Variants in WWP2 observed in about 807,000 individuals in gnomAD.
The protein encoded by WWP2 is WW domain containing E3 ubiquitin protein ligase 2, also known as NEDD4-like E3 ubiquitin-protein ligase WWP2.
Under a neutral mutation model 121.0 loss-of-function variants are expected in WWP2, and 57 were observed. The observed-to-expected ratio is 0.47, with a 90% CI of 0.38 to 0.59. WWP2 has a LOEUF of 0.59. Among genes scored for constraint, WWP2 ranks in the 20% least tolerant of loss-of-function variants. The probability of loss-of-function intolerance (pLI) is 0.00; values close to 1 mark genes in which losing one functional copy is unlikely to be tolerated. For missense variants in WWP2, 962 were observed against 1,158.9 expected (o/e 0.83, Z 2.47); for synonymous variants, 449 against 441.3 (o/e 1.02, Z -0.22).
rs374069767 is a variant in WWP2, at chr16:69,917,786, C to T, written c.1082C>T (p.Pro361Leu). 1.7e-5 allele frequency: 28 copies of T among 1,613,886 alleles called. No individual in the cohort carries two copies. Among genetic ancestry groups the T allele is most frequent in the Non-Finnish European group, 2.2e-5 (26 of 1,179,840 alleles). The change falls in exon 10 of 24, where the codon CCG becomes CTG. Residue 361 changes from proline (P) to leucine (L), a missense_variant. Pro to Leu is a moderately conservative substitution (Grantham distance 98, BLOSUM62 -3). This residue lies in a region of WWP2 where 606 missense variants were observed against 772.6 expected (regional missense o/e 0.78). Coordinates refer to ENST00000359154, the MANE Select transcript of WWP2 (RefSeq NM_001270454.2). Reference protein sequence around the residue: ...HNTRTTTWQRPTAEYVRNYEQ... With the variant: ...HNTRTTTWQRLTAEYVRNYEQ... ...ACTCGGACCACCACCTGGCAGCGTCCGACCGCGGAGTACGTGCGCAACTAT... is the reference window on the plus strand; with the variant it reads ...ACTCGGACCACCACCTGGCAGCGTCTGACCGCGGAGTACGTGCGCAACTAT...
chr16:69,882,077 C>G (rs2057840660), intron 7 of WWP2, among the ~76,000 whole-genome samples: 1 of 152,060 alleles, frequency 6.6e-6, no homozygotes, highest in Non-Finnish European at 1.5e-5. Flanking sequence ...GCTTTGGCCT[C>G]CGAAAGTACT....
At chr16:69,810,727 G>C (rs1195153503) in intron 4 of WWP2, among the ~76,000 whole-genome samples, 1 of 149,414 alleles carries the variant, frequency 6.7e-6, no homozygotes, top group African/African-American at 2.5e-5. Context: ...ACTGCGCCCA[G>C]CCTTAACATC....
At chr16:69,835,804 ATT>A (rs34492692) in intron 4 of WWP2, among the ~76,000 whole-genome samples, 4 of 142,472 alleles carry the variant, frequency 2.8e-5, no homozygotes, top group Non-Finnish European at 4.6e-5. Context: ...ACCAAAGTAA[ATT>A]TTTTTTTTTT....
chr16:69,846,335 A>AC (rs1166722806), intron 6 of WWP2, among the ~76,000 whole-genome samples: 1 of 152,204 alleles, frequency 6.6e-6, no homozygotes, highest in East Asian at 1.9e-4. Context: ...AGAAAACAGT[A>AC]CCATAGTAGG....
rs199986943 is a variant in WWP2 at position 69,930,088 on chromosome 16, A to G, written c.1317-42A>G. The stretch of plus-strand genomic sequence containing the variant: ...CAGCCTCCAACCACCAAGGTCCAGA[A>G]GGTGGGGCCAGCCCTTCACCCTTTT... On this transcript the variant is annotated intron_variant, in intron 12 of 23. Transcript: ENST00000359154. 1.6e-5 allele frequency: 25 copies of G among 1,612,710 alleles called. No homozygotes were observed. In the Admixed American group the frequency reaches 2.7e-4, roughly 17 times the overall value.
intron 4 of WWP2, among the ~76,000 whole-genome samples, chr16:69,810,671 C>A (rs2056373954): frequency 6.6e-6 from 1 of 151,948 alleles, no homozygotes; most frequent in South Asian, 2.1e-4. Flanking sequence ...ACCTTGTGAT[C>A]CGCCTGCCTT....
chr16:69,938,903 G>C, intron 21 of WWP2, 124 bp from the exon 22 acceptor site: 1 of 801,550 alleles, frequency 1.2e-6, no homozygotes, highest in Non-Finnish European at 2.1e-6. Flanking sequence ...GTCATCCCCT[G>C]GCCAACCTGG....
intron 4 of WWP2, among the ~76,000 whole-genome samples, chr16:69,816,648 G>A (rs376633436): frequency 2.0e-5 from 3 of 151,672 alleles, no homozygotes; most frequent in East Asian, 1.9e-4. Context: ...TGAGTGCTTC[G>A]TATGTATCAG....
chr16:69,884,121 G>A (rs921203435), intron 7 of WWP2, among the ~76,000 whole-genome samples: 32 of 152,114 alleles, frequency 2.1e-4, no homozygotes, highest in Non-Finnish European at 3.7e-4. Flanking sequence ...GAATATACAA[G>A]CGTATGTATA....
chr16:69,762,496 G>T (rs900700148), intron 1 of WWP2, 105 bp downstream of exon 1: 1 of 148,426 alleles, frequency 6.7e-6, no homozygotes, highest in Non-Finnish European at 1.5e-5. Context: ...CGGCCCGGGC[G>T]TCGGGGGGCG....
chr16:69,941,263 A>ACT lies in WWP2; in HGVS notation c.*1323_*1324insCT, dbSNP rs2058876782. The ACT allele has an allele frequency of 6.5e-6, 1 of 152,798 alleles. No individual in the cohort carries two copies. The highest frequency in any genetic ancestry group is 1.5e-5 in the Non-Finnish European group (1 of 68,092). 9.5% of individuals were successfully genotyped at this position (152,798 alleles called of 1,614,324 possible). ...TGCCCCACCGGGGTGCTGGGGCAGT[A>ACT]GTCATGGCAGACTCCCGGCCTGGGC... On this transcript the variant is annotated 3_prime_UTR_variant, in exon 24 of 24. Transcript: ENST00000359154.
At chr16:69,830,308 T>C (rs1394524522) in intron 4 of WWP2, among the ~76,000 whole-genome samples, 1 of 152,004 alleles carries the variant, frequency 6.6e-6, no homozygotes, top group African/African-American at 2.4e-5. Flanking sequence ...CCCAGGCTGG[T>C]CCCAAACTGG....
chr16:69,780,422 T>C (rs1354147212), intron 1 of WWP2, among the ~76,000 whole-genome samples: 1 of 152,230 alleles, frequency 6.6e-6, no homozygotes, highest in Non-Finnish European at 1.5e-5. Flanking sequence ...CTATTACAAA[T>C]ACTGCTATGA....
intron 2 of WWP2, among the ~76,000 whole-genome samples, chr16:69,794,240 A>G (rs972643247): frequency 1.3e-5 from 2 of 151,870 alleles, no homozygotes; most frequent in South Asian, 2.1e-4. Flanking sequence ...AGATTAAACT[A>G]TAGGCTGGGT....
chr16:69,838,965 A>G (rs2151868988), intron 4 of WWP2: 3 of 676,132 alleles, frequency 4.4e-6, no homozygotes, highest in Non-Finnish European at 3.6e-6. Context: ...AAAGGGTTGT[A>G]TCTGTAGAGG....
At chr16:69,805,835 C>G (rs963303604) in intron 4 of WWP2, among the ~76,000 whole-genome samples, 2 of 147,324 alleles carry the variant, frequency 1.4e-5, no homozygotes, top group Non-Finnish European at 3.0e-5. Flanking sequence ...TGGGTGTTGA[C>G]TTTGTATCAA....
At chr16:69,802,824 C>T (rs2056198658) in intron 4 of WWP2, among the ~76,000 whole-genome samples, 2 of 151,892 alleles carry the variant, frequency 1.3e-5, no homozygotes, top group African/African-American at 2.4e-5. Flanking sequence ...AGGCTGGTCT[C>T]GAACTCCTGA....
intron 6 of WWP2, among the ~76,000 whole-genome samples, chr16:69,868,611 A>G (rs1052106341): frequency 9.9e-5 from 15 of 151,950 alleles, no homozygotes; most frequent in African/African-American, 1.7e-4. Flanking sequence ...CAAACCTTCT[A>G]TTAACCAATT....
At position 69,842,182 on chromosome 16, in the gene WWP2, T is replaced by C. The variant is rs928767827; in HGVS notation, c.575+62T>C. 2.7e-6 allele frequency: 4 copies of C among 1,497,234 alleles called. No individual in the cohort carries two copies. In the African/African-American group the frequency reaches 5.5e-5, roughly 21 times the overall value. The allele number at this position is 1,497,234 out of a possible 1,614,324, so 92.7% of individuals were successfully genotyped here. ...GTTGCTTAGAGCTATTGAAAACATG[T>C]TGGGACATGGCGGGGAACATTTTAT... On this transcript the variant is annotated intron_variant, in intron 6 of 23. Transcript: ENST00000359154.
Sources: gnomAD v4.1 joint callset for allele counts (sites outside exome capture counted in the v4.1 genomes callset) on GRCh38, gnomAD v4.1.1 for gene constraint, gnomAD v4.1.1 regional missense constraint, MANE v1.5 for transcripts, NCBI Gene and HGNC (gene_info 2026-07-23, HGNC 2026-07-21) for gene names.